Variants in ELP1 observed in about 807,000 individuals in gnomAD.
The protein encoded by ELP1 is elongator complex protein 1.
A neutral mutation model predicts 183.2 loss-of-function variants in ELP1; 131 were observed. That is an observed-to-expected ratio of 0.72 (90% CI 0.62 to 0.83). The LOEUF (loss-of-function observed/expected upper bound fraction) is 0.83. ELP1 is among the 40% of genes least tolerant of loss of function. ELP1 has a pLI of 0.00. For synonymous variants in ELP1, 555 were observed against 569.0 expected, an observed-to-expected ratio of 0.98 and a Z score of 0.35; for missense variants, 1,550 against 1,594.9, an observed-to-expected ratio of 0.97 and a Z score of 0.48.
rs369627815 is a variant in ELP1, at chr9:108,902,888, C to T, written c.1805G>A (p.Arg602Gln). 4.8e-5 allele frequency: 77 copies of T among 1,613,840 alleles called. No individual in the cohort carries two copies. The highest frequency in any genetic ancestry group is 1.8e-4 in the East Asian group (8 of 44,878). Reference sequence around the variant, plus strand: ...GGTCTGGGTGCATGGATAAGGAAACCGAACAGGAAATCCACCAGAGTTCTT... The same window carrying T: ...GGTCTGGGTGCATGGATAAGGAAACTGAACAGGAAATCCACCAGAGTTCTT... ...PWKNSGGFPV[R>Q]FPYPCTQTEL... is the part of the protein sequence containing the mutation. Residue 602 changes from arginine (R) to glutamine (Q), a missense_variant, in exon 16 of 37, where the codon CGG (arginine) becomes CAG (glutamine). Arg to Gln is a conservative substitution (Grantham distance 43). Transcript: ENST00000374647.
At chr9:108,877,629 G>A (rs1361614715) in intron 35 of ELP1, among the ~76,000 whole-genome samples, 2 of 152,138 alleles carry the variant, frequency 1.3e-5, no homozygotes, top group Admixed American at 1.3e-4. Context: ...TCCCTTTAAA[G>A]CCTGATCCCA....
At position 108,904,698 on chromosome 9, in the gene ELP1, C is replaced by CA. The variant is rs557355491; in HGVS notation, c.1644-1030dup. Among the ~76,000 whole-genome samples the CA allele has an allele frequency of 2.1e-3, 326 of 152,268 alleles. 3 individuals are homozygous for CA. The highest frequency in any genetic ancestry group is 7.2e-3 in the African/African-American group (301 of 41,556). ...TAACTGCTCCATGTCTTAGTTGTCT[C>CA]ATCTGTAAAATGATGGTGCAAATGG... On this transcript the variant is annotated intron_variant, in intron 14 of 36. Coordinates refer to ENST00000374647, the MANE Select transcript of ELP1 (RefSeq NM_003640.5).
intron 21 of ELP1, 27 bp from the exon 22 acceptor site, chr9:108,898,608 C>T (rs1202085761): frequency 1.4e-5 from 22 of 1,601,220 alleles, no homozygotes; most frequent in East Asian, 2.2e-5. Context: ...AAAACATCTT[C>T]GTTCAGATCA....
chr9:108,930,123 T>G (rs1423605548), intron 2 of ELP1, among the ~76,000 whole-genome samples: 1 of 152,214 alleles, frequency 6.6e-6, no homozygotes, highest in Non-Finnish European at 1.5e-5. Context: ...ATGTGACCTT[T>G]TTGCCAAACA....
intron 5 of ELP1, 42 bp from the exon 6 acceptor site, chr9:108,922,969 T>A (rs1454136748): frequency 1.0e-5 from 15 of 1,439,160 alleles, no homozygotes; most frequent in Non-Finnish European, 1.5e-5. Context: ...CCACATGAAA[T>A]GAAACAAAAA....
At chr9:108,923,829 A>G (rs1445811741) in intron 5 of ELP1, among the ~76,000 whole-genome samples, 1 of 152,190 alleles carries the variant, frequency 6.6e-6, no homozygotes, top group Non-Finnish European at 1.5e-5. Flanking sequence ...CTGTTCCTGG[A>G]GGTAGGATCC....
intron 3 of ELP1, among the ~76,000 whole-genome samples, chr9:108,928,169 T>C (rs997741845): frequency 1.3e-5 from 2 of 152,162 alleles, no homozygotes; most frequent in Non-Finnish European, 1.5e-5. Context: ...TACTATGTAC[T>C]CATAAAAATT....
chr9:108,901,476 T>C lies in ELP1; in HGVS notation c.1963A>G (p.Thr655Ala), dbSNP rs530574306. 5 of 1,614,088 alleles carry C rather than the reference T, an allele frequency of 3.1e-6. No homozygotes were observed. In the South Asian group the frequency reaches 5.5e-5, roughly 18 times the overall value. Residue 655 changes from threonine to alanine, a missense_variant, in exon 18 of 37, where the codon ACC (threonine) becomes GCC (alanine). Coordinates refer to ENST00000374647, the MANE Select transcript of ELP1 (RefSeq NM_003640.5). ...AAACACTGGCAGGTATGGGAATGGGTTGTCAACAATAAAAACTCATCATAT... is the reference window on the plus strand; with the variant it reads ...AAACACTGGCAGGTATGGGAATGGGCTGTCAACAATAAAAACTCATCATAT... The part of the protein sequence containing the change: ...AVYDEFLLLT[T>A]HSHTCQCFCL...
At chr9:108,905,232 G>C (rs746329092) in intron 14 of ELP1, among the ~76,000 whole-genome samples, 1 of 152,162 alleles carries the variant, frequency 6.6e-6, no homozygotes, top group Non-Finnish European at 1.5e-5. Flanking sequence ...ATAAAGGAAA[G>C]GTTCCTAATT....
intron 13 of ELP1, among the ~76,000 whole-genome samples, 200 bp from the exon 14 acceptor site, chr9:108,906,685 C>T (rs902266271): frequency 1.3e-5 from 2 of 152,156 alleles, no homozygotes; most frequent in Non-Finnish European, 1.5e-5. Flanking sequence ...TTTATATTTT[C>T]CCTAAATTTC....
chr9:108,930,307 C>T (rs559200298), intron 2 of ELP1, among the ~76,000 whole-genome samples: 4 of 152,208 alleles, frequency 2.6e-5, no homozygotes, highest in Admixed American at 1.3e-4. Flanking sequence ...TCAAAACCAA[C>T]CCACAGAGGT....
chr9:108,926,155 C>T (rs989313085), intron 5 of ELP1, among the ~76,000 whole-genome samples: 2 of 152,202 alleles, frequency 1.3e-5, no homozygotes, highest in Non-Finnish European at 2.9e-5. Flanking sequence ...CATGGAAATG[C>T]AGATTGGATC....
intron 32 of ELP1, among the ~76,000 whole-genome samples, chr9:108,879,793 C>T (rs1210159440): frequency 2.0e-5 from 3 of 152,162 alleles, no homozygotes; most frequent in Non-Finnish European, 2.9e-5. Flanking sequence ...TTGTTAGACA[C>T]GGAAGTGGTC....
intron 19 of ELP1, 104 bp downstream of exon 19, chr9:108,900,156 G>T (rs374286825): frequency 2.3e-6 from 2 of 883,012 alleles, no homozygotes; most frequent in African/African-American, 1.7e-5. Flanking sequence ...TACAATAAAC[G>T]ATACAAAGAA....
intron 30 of ELP1, 75 bp from the exon 31 acceptor site, chr9:108,881,840 T>C (rs1328838361): frequency 2.2e-6 from 2 of 929,048 alleles, no homozygotes. Context: ...TAGAAAGACA[T>C]GGATTACTTT....
At chr9:108,874,681 A>G (rs1213289358) in intron 36 of ELP1, among the ~76,000 whole-genome samples, 2 of 152,232 alleles carry the variant, frequency 1.3e-5, no homozygotes, top group Non-Finnish European at 2.9e-5. Flanking sequence ...TACAATGGTC[A>G]TGCTGGATTT....
intron 36 of ELP1, among the ~76,000 whole-genome samples, chr9:108,873,711 T>G (rs1274234415): frequency 6.6e-6 from 1 of 152,134 alleles, no homozygotes; most frequent in Non-Finnish European, 1.5e-5. Flanking sequence ...AGGTCTAATG[T>G]AAGTTCCTAG....
intron 26 of ELP1, among the ~76,000 whole-genome samples, 171 bp downstream of exon 26, chr9:108,893,772 C>T (rs565885290): frequency 6.6e-6 from 1 of 152,176 alleles, no homozygotes; most frequent in African/African-American, 2.4e-5. Flanking sequence ...AAGTGATTAC[C>T]TTCAGCTTTT....
chr9:108,906,191 A>T, intron 14 of ELP1, 112 bp downstream of exon 14: 1 of 1,014,640 alleles, frequency 9.9e-7, no homozygotes, highest in Non-Finnish European at 1.5e-6. Flanking sequence ...CTAACAAGAA[A>T]GCTACTGCTC....
Sources: gnomAD v4.1 joint callset for allele counts (sites outside exome capture counted in the v4.1 genomes callset) on GRCh38, gnomAD v4.1.1 for gene constraint, MANE v1.5 for transcripts, NCBI Gene and HGNC (gene_info 2026-07-23, HGNC 2026-07-21) for gene names.